Variants in BID observed in about 807,000 individuals in gnomAD.
BID encodes the protein BH3 interacting domain death agonist.
A neutral mutation model predicts 17.4 loss-of-function variants in BID; 19 were observed. The ratio of observed to expected loss-of-function variants is 1.09; its 90% CI spans 0.76 to 1.60. BID has a LOEUF of 1.60. BID is among the 40% of genes most tolerant of loss of function. BID has a pLI of 0.00. For missense variants in BID, 226 were observed against 256.0 expected (o/e 0.88, Z 0.80); for synonymous variants, 108 against 102.8 (o/e 1.05, Z -0.31).
chr22:17,753,923 G>T (rs1390770178), intron 1 of BID, among the ~76,000 whole-genome samples: 1 of 152,152 alleles, frequency 6.6e-6, no homozygotes, highest in African/African-American at 2.4e-5. Context: ...CCAGATGGGG[G>T]TGACATTCCC....
intron 1 of BID, among the ~76,000 whole-genome samples, chr22:17,764,965 C>T (rs1429596370): frequency 6.6e-6 from 1 of 152,198 alleles, no homozygotes; most frequent in Non-Finnish European, 1.5e-5. Flanking sequence ...AAGTGCCTTC[C>T]CCAACAACAT....
chr22:17,736,169 C>G (rs1569035995), intron 5 of BID, among the ~76,000 whole-genome samples: 1 of 152,030 alleles, frequency 6.6e-6, no homozygotes, highest in Admixed American at 6.5e-5. Context: ...TCATAAAATC[C>G]CAAACATTAG....
intron 2 of BID, among the ~76,000 whole-genome samples, chr22:17,746,651 C>G (rs1204733349): frequency 2.0e-5 from 3 of 152,166 alleles, no homozygotes; most frequent in African/African-American, 7.2e-5. Flanking sequence ...CAGATGTAAT[C>G]AAGTTAAGAT....
At position 17,763,249 on chromosome 22, in the gene BID, C is replaced by CTT. The variant is rs34804063; in HGVS notation, c.-59+11130_-59+11131dup. On this transcript the variant is annotated intron_variant, in intron 1 of 5. Transcript: ENST00000622694. Reference sequence around the variant, plus strand: ...TCTCCATCATGTGTATTAATTATAACTTTTTTTTTTTTGAGACATAGTCTG... The same window carrying CTT: ...TCTCCATCATGTGTATTAATTATAACTTTTTTTTTTTTTTGAGACATAGTCTG... Among the ~76,000 whole-genome samples the CTT allele has an allele frequency of 9.8e-3, 1,443 of 146,630 alleles. 24 individuals carry two copies. The highest frequency in any genetic ancestry group is 0.034 in the African/African-American group (1,351 of 39,934).
At chr22:17,761,867 A>T (rs1048504972) in intron 1 of BID, among the ~76,000 whole-genome samples, 5 of 152,232 alleles carry the variant, frequency 3.3e-5, no homozygotes, top group Non-Finnish European at 4.4e-5. Flanking sequence ...TGATGATAAA[A>T]GGCACATACC....
At chr22:17,748,762 G>C (rs959058961) in intron 2 of BID, among the ~76,000 whole-genome samples, 2 of 152,300 alleles carry the variant, frequency 1.3e-5, no homozygotes, top group South Asian at 4.1e-4. Context: ...CGCCTCCTCC[G>C]GCGAGTCAGG....
intron 1 of BID, among the ~76,000 whole-genome samples, chr22:17,772,097 T>C (rs2061725436): frequency 1.3e-5 from 2 of 152,204 alleles, no homozygotes; most frequent in South Asian, 2.1e-4. Flanking sequence ...ATCTGGAGAA[T>C]GGGGATGCTA....
chr22:17,746,066 T>G (rs2145883711), intron 2 of BID, among the ~76,000 whole-genome samples: 1 of 152,270 alleles, frequency 6.6e-6, no homozygotes, highest in African/African-American at 2.4e-5. Flanking sequence ...TCATGTCCTC[T>G]GCAGCAACAC....
rs2061739132 is a variant in BID, at chr22:17,773,831, T to C, written c.-59+550A>G. 1 of 816,748 alleles carries C rather than the reference T, an allele frequency of 1.2e-6. No homozygotes were observed. The highest frequency in any genetic ancestry group is 2.0e-6 in the Non-Finnish European group (1 of 512,100). 50.6% of individuals were successfully genotyped at this position (816,748 alleles called of 1,614,324 possible). A position where few individuals can be genotyped will look rare whatever the true frequency, so the allele number is the denominator to read the frequency against. On this transcript the variant is annotated intron_variant, in intron 1 of 5. Transcript: ENST00000622694. This position sits in a 1 kb window ranked among gnomAD's most constrained non-coding sequence, Gnocchi z 4.4. ...AGCAGCAGCGAGGATCCGCACATCA[T>C]TGCCAGTGCTCTAAGGAGCGGGCGA...
chr22:17,735,772 G>C (rs529863212), intron 5 of BID, among the ~76,000 whole-genome samples, 181 bp from the exon 6 acceptor site: 2 of 152,094 alleles, frequency 1.3e-5, no homozygotes, highest in East Asian at 4.0e-4. Context: ...AAAACAGGCC[G>C]TTCAGGCGGT....
chr22:17,750,469 A>G (rs1445624144), intron 1 of BID, among the ~76,000 whole-genome samples: 1 of 152,228 alleles, frequency 6.6e-6, no homozygotes, highest in East Asian at 1.9e-4. Flanking sequence ...TGGGCTCACA[A>G]ATTATTTTAT....
rs558516586 is a variant in BID at position 17,739,091 on chromosome 22, G to C, written c.363+258C>G. Among the ~76,000 whole-genome samples, 8 of 152,342 alleles carry C rather than the reference G, an allele frequency of 5.3e-5. No individual in the cohort carries two copies. In the South Asian group the frequency reaches 1.7e-3, roughly 32 times the overall value. ...TCTGTTTCTTCTGTTGGCCAAACAT[G>C]CTTCGTTCATCTTTTAGAGGCTTTT... On this transcript the variant is annotated intron_variant, in intron 4 of 5. Transcript: ENST00000622694.
chr22:17,736,316 T>C (rs1035101405), intron 5 of BID, among the ~76,000 whole-genome samples: 2 of 151,664 alleles, frequency 1.3e-5, no homozygotes, highest in Non-Finnish European at 2.9e-5. Context: ...AATTAGCCGG[T>C]CATGGTGGTG....
At chr22:17,740,208 A>G in intron 3 of BID, 1 of 1,593,310 alleles carries the variant, frequency 6.3e-7, no homozygotes, top group South Asian at 1.1e-5. Context: ...AAGGGCTGTG[A>G]TTTTTTTAAT....
At chr22:17,770,509 A>T (rs1199215709) in intron 1 of BID, among the ~76,000 whole-genome samples, 1 of 152,220 alleles carries the variant, frequency 6.6e-6, no homozygotes, top group Non-Finnish European at 1.5e-5. Flanking sequence ...CACCCAGACA[A>T]GGGAAACTTC....
chr22:17,736,614 T>C (rs8190350), intron 5 of BID, among the ~76,000 whole-genome samples: 2,106 of 152,288 alleles, frequency 0.014, 23 homozygotes, highest in Middle Eastern at 0.02. Flanking sequence ...TTGGGCAGCA[T>C]TGTGAACACT....
In BID at chr22:17,774,459, G is replaced by T; in HGVS notation, c.-137C>A. 1 of 294,660 alleles carries T rather than the reference G, an allele frequency of 3.4e-6. No individual in the cohort carries two copies. The highest frequency in any genetic ancestry group is 7.2e-6 in the Non-Finnish European group (1 of 138,922). The allele number at this position is 294,660 out of a possible 1,614,324, so 18.3% of individuals were successfully genotyped here. A position where few individuals can be genotyped will look rare whatever the true frequency, so the allele number is the denominator to read the frequency against. On this transcript the variant is annotated 5_prime_UTR_variant, in exon 1 of 6. Transcript: ENST00000622694. ...GGCGCGCGGACACGGTCGACTACCC[G>T]CTTCCTCCTTATGGCGCCCCGCGCG...
intron 1 of BID, among the ~76,000 whole-genome samples, chr22:17,758,747 G>T (rs1344289437): frequency 1.3e-5 from 2 of 152,172 alleles, no homozygotes; most frequent in African/African-American, 2.4e-5. Context: ...AAGGGCTGGG[G>T]GTGGCAAGTT....
chr22:17,761,547 T>C (rs1468440986), intron 1 of BID, among the ~76,000 whole-genome samples: 1 of 151,060 alleles, frequency 6.6e-6, no homozygotes, highest in Non-Finnish European at 1.5e-5. Flanking sequence ...TTCTCCTGCC[T>C]CAGCCTCCCG....
Sources: gnomAD v4.1 joint callset for allele counts (sites outside exome capture counted in the v4.1 genomes callset) on GRCh38, gnomAD v4.1.1 for gene constraint, Gnocchi (gnomAD v3.1) non-coding constraint, MANE v1.5 for transcripts, NCBI Gene and HGNC (gene_info 2026-07-23, HGNC 2026-07-21) for gene names.